HS3ST4: variants seen among roughly 807,000 people sequenced by gnomAD.
HS3ST4 encodes heparan sulfate-glucosamine 3-sulfotransferase 4.
In HS3ST4, 17 loss-of-function variants were observed where a neutral mutation model predicts 29.2. That is an observed-to-expected ratio of 0.58 (90% CI 0.40 to 0.87). The LOEUF (loss-of-function observed/expected upper bound fraction) is 0.87. Ranked by LOEUF, HS3ST4 falls within the 40% of genes least tolerant of loss-of-function variation. HS3ST4 has a pLI of 0.00. For missense variants in HS3ST4, 627 were observed against 634.5 expected (o/e 0.99, Z 0.13); for synonymous variants, 314 against 285.7 (o/e 1.10, Z -1.00).
chr16:26,083,238 A>C (rs1898744834), intron 1 of HS3ST4, among the ~76,000 whole-genome samples: 1 of 152,184 alleles, frequency 6.6e-6, no homozygotes, highest in Non-Finnish European at 1.5e-5. Flanking sequence ...GATGCCTATT[A>C]TTTCTATCAC....
intron 1 of HS3ST4, among the ~76,000 whole-genome samples, chr16:25,795,291 T>A (rs1296368238): frequency 6.6e-6 from 1 of 152,028 alleles, no homozygotes; most frequent in Non-Finnish European, 1.5e-5. Flanking sequence ...CCTTTTCTTT[T>A]CTTTTCTCTT....
chr16:25,968,116 A>AT (rs1201542536), intron 1 of HS3ST4, among the ~76,000 whole-genome samples: 3 of 152,094 alleles, frequency 2.0e-5, no homozygotes, highest in Non-Finnish European at 2.9e-5. Flanking sequence ...GCTGGGGCAG[A>AT]TTTTAACTCA....
chr16:26,090,422 A>G (rs1266388640), intron 1 of HS3ST4, among the ~76,000 whole-genome samples: 1 of 152,060 alleles, frequency 6.6e-6, no homozygotes, highest in Non-Finnish European at 1.5e-5. Context: ...GTTGAGGATG[A>G]TTCTATAGAA....
intron 1 of HS3ST4, among the ~76,000 whole-genome samples, chr16:25,883,281 C>G (rs1967913375): frequency 6.6e-6 from 1 of 151,492 alleles, no homozygotes; most frequent in African/African-American, 2.4e-5. Context: ...ACTCAAAAAG[C>G]CTTTTGCTCA....
intron 1 of HS3ST4, among the ~76,000 whole-genome samples, chr16:25,816,408 A>T (rs888850723): frequency 2.6e-5 from 4 of 152,208 alleles, no homozygotes; most frequent in Non-Finnish European, 5.9e-5. Context: ...GCACCCGTCC[A>T]GACTCGTGGA....
At chr16:25,810,917 A>T (rs1443261527) in intron 1 of HS3ST4, among the ~76,000 whole-genome samples, 1 of 152,230 alleles carries the variant, frequency 6.6e-6, no homozygotes, top group African/African-American at 2.4e-5. Context: ...AGGAGAAAAA[A>T]AATGGACTTT....
intron 1 of HS3ST4, among the ~76,000 whole-genome samples, chr16:26,041,650 A>G (rs1390550776): frequency 6.6e-6 from 1 of 152,050 alleles, no homozygotes; most frequent in Non-Finnish European, 1.5e-5. Flanking sequence ...TGTGGCAACT[A>G]CTCAACTTGG....
At chr16:25,814,242 A>G (rs1967069809) in intron 1 of HS3ST4, among the ~76,000 whole-genome samples, 1 of 152,112 alleles carries the variant, frequency 6.6e-6, no homozygotes, top group Admixed American at 6.5e-5. Context: ...AATAAAAATA[A>G]TTATGGAATG....
chr16:25,870,194 A>G (rs538997001), intron 1 of HS3ST4, among the ~76,000 whole-genome samples: 1 of 151,994 alleles, frequency 6.6e-6, no homozygotes, highest in South Asian at 2.1e-4. Context: ...CCATCCATCC[A>G]TCCATCCAAC....
chr16:26,135,438 G>T (rs116314339), intron 1 of HS3ST4, among the ~76,000 whole-genome samples, 174 bp from the exon 2 acceptor site: 5 of 152,274 alleles, frequency 3.3e-5, no homozygotes, highest in African/African-American at 1.2e-4. Context: ...CTGATAATAC[G>T]TAGCCAGGGT....
At chr16:25,862,541 C>T (rs1967648811) in intron 1 of HS3ST4, among the ~76,000 whole-genome samples, 2 of 152,314 alleles carry the variant, frequency 1.3e-5, no homozygotes, top group South Asian at 4.1e-4. Flanking sequence ...AGACGGAGCC[C>T]AGGCCAGTAA....
chr16:26,028,208 G>C (rs1262920900), intron 1 of HS3ST4, among the ~76,000 whole-genome samples: 1 of 149,294 alleles, frequency 6.7e-6, no homozygotes, highest in African/African-American at 2.5e-5. Context: ...GGGAAGCAGA[G>C]GTTGCAGTGA....
chr16:25,804,371 A>G (rs530539868), intron 1 of HS3ST4, among the ~76,000 whole-genome samples: 9 of 152,308 alleles, frequency 5.9e-5, no homozygotes, highest in African/African-American at 1.7e-4. Flanking sequence ...CGTATTGTCA[A>G]TTCAGCTCTT....
chr16:26,133,595 A>T (rs1393880328), intron 1 of HS3ST4, among the ~76,000 whole-genome samples: 1 of 152,232 alleles, frequency 6.6e-6, no homozygotes, highest in Non-Finnish European at 1.5e-5. Context: ...TTATACTAAC[A>T]ACATCCAGCT....
At chr16:26,027,582 T>C (rs1437973410) in intron 1 of HS3ST4, among the ~76,000 whole-genome samples, 1 of 152,230 alleles carries the variant, frequency 6.6e-6, no homozygotes, top group African/African-American at 2.4e-5. Flanking sequence ...TTATTTATGT[T>C]GAATAAATGA....
At chr16:26,111,391 CTTT>C (rs34710649) in intron 1 of HS3ST4, among the ~76,000 whole-genome samples, 2 of 147,120 alleles carry the variant, frequency 1.4e-5, no homozygotes, top group Non-Finnish European at 1.5e-5. Flanking sequence ...AGAAGGAGGT[CTTT>C]TTTTTTTTTT....
intron 1 of HS3ST4, among the ~76,000 whole-genome samples, chr16:26,030,272 G>T (rs867759625): frequency 6.6e-6 from 1 of 152,174 alleles, no homozygotes; most frequent in Non-Finnish European, 1.5e-5. Context: ...GCTGGGTGTG[G>T]TGGTGCACAC....
intron 1 of HS3ST4, among the ~76,000 whole-genome samples, chr16:26,072,827 C>T (rs1898616855): frequency 6.6e-6 from 1 of 152,110 alleles, no homozygotes; most frequent in Non-Finnish European, 1.5e-5. Context: ...TTAGAAAACT[C>T]TTATTGTCTA....
intron 1 of HS3ST4, among the ~76,000 whole-genome samples, chr16:26,134,965 A>T (rs1341493276): frequency 6.6e-6 from 1 of 152,174 alleles, no homozygotes; most frequent in East Asian, 1.9e-4. Flanking sequence ...AAACATTGAA[A>T]TTTGAATTCT....
Sources: gnomAD v4.1 joint callset for allele counts (sites outside exome capture counted in the v4.1 genomes callset) on GRCh38, gnomAD v4.1.1 for gene constraint, MANE v1.5 for transcripts, NCBI Gene and HGNC (gene_info 2026-07-23, HGNC 2026-07-21) for gene names.